Variants in LRRC4C observed in about 807,000 individuals in gnomAD.
The protein encoded by LRRC4C is leucine rich repeat containing 4C.
In LRRC4C, 5 loss-of-function variants were observed where a neutral mutation model predicts 33.6. That is an observed-to-expected ratio of 0.15 (90% CI 0.08 to 0.31). LRRC4C has a LOEUF of 0.31. Among genes scored for constraint, LRRC4C ranks in the 10% least tolerant of loss-of-function variants. The probability of loss-of-function intolerance (pLI) is 1.00; values close to 1 mark genes in which losing one functional copy is unlikely to be tolerated. For missense variants in LRRC4C, 560 were observed against 796.7 expected (o/e 0.70, Z 3.58); for synonymous variants, 329 against 302.0 (o/e 1.09, Z -0.93).
intron 2 of LRRC4C, among the ~76,000 whole-genome samples, chr11:40,801,495 A>G (rs1186309613): frequency 6.6e-6 from 1 of 152,026 alleles, no homozygotes. Flanking sequence ...AAAGATTTTT[A>G]CCCCCATGTG....
At position 40,198,280 on chromosome 11, in the gene LRRC4C, C is replaced by G. The variant is rs7949676; in HGVS notation, c.-96+43239G>C. Among the ~76,000 whole-genome samples the G allele has an allele frequency of 7.2e-5, 11 of 152,248 alleles. No homozygotes were observed. In the South Asian group the frequency reaches 2.3e-3, roughly 32 times the overall value. On this transcript the variant is annotated intron_variant, in intron 5 of 6. Transcript: ENST00000528697. ...TACAACTGTGTACCCACTTATGTAC[C>G]GTAAAATAGTGAAGTCTGATTCTAA... is the stretch of plus-strand genomic sequence containing the variant.
intron 1 of LRRC4C, among the ~76,000 whole-genome samples, chr11:41,224,185 GA>G (rs1486533208): frequency 1.3e-5 from 2 of 152,124 alleles, no homozygotes; most frequent in Admixed American, 1.3e-4. Flanking sequence ...ACCTGCCGTG[GA>G]AAAAGCCACG....
At chr11:40,692,003 C>A (rs1018948437) in intron 2 of LRRC4C, among the ~76,000 whole-genome samples, 2 of 151,944 alleles carry the variant, frequency 1.3e-5, no homozygotes, top group African/African-American at 4.8e-5. Context: ...ATTGAAGTGA[C>A]CAGACCTTTT....
intron 1 of LRRC4C, among the ~76,000 whole-genome samples, chr11:41,308,268 C>A (rs772345588): frequency 6.6e-6 from 1 of 152,030 alleles, no homozygotes; most frequent in African/African-American, 2.4e-5. Context: ...GAGAAAAACG[C>A]ATACATTCTG....
intron 3 of LRRC4C, among the ~76,000 whole-genome samples, chr11:40,442,484 T>C (rs1444585832): frequency 1.3e-5 from 2 of 152,092 alleles, no homozygotes; most frequent in Admixed American, 6.6e-5. Context: ...AATTGAAATG[T>C]GATAAGATAA....
intron 2 of LRRC4C, among the ~76,000 whole-genome samples, chr11:40,796,790 G>T (rs1950850329): frequency 6.6e-6 from 1 of 151,930 alleles, no homozygotes. Flanking sequence ...GGGATTACAG[G>T]CATGCACCAC....
chr11:41,128,266 C>CAAAA (rs10648242), intron 1 of LRRC4C, among the ~76,000 whole-genome samples: 1 of 146,082 alleles, frequency 6.8e-6, no homozygotes, highest in Non-Finnish European at 1.5e-5. Flanking sequence ...GTCATACCTC[C>CAAAA]AAAAAAAAAA....
intron 1 of LRRC4C, among the ~76,000 whole-genome samples, chr11:41,342,900 C>T (rs1472443336): frequency 1.3e-5 from 2 of 152,164 alleles, no homozygotes; most frequent in Non-Finnish European, 2.9e-5. Context: ...AATCAAAGTG[C>T]TGGGAGGATT....
intron 5 of LRRC4C, among the ~76,000 whole-genome samples, chr11:40,236,576 A>T (rs1865574113): frequency 6.6e-6 from 1 of 152,186 alleles, no homozygotes; most frequent in South Asian, 2.1e-4. Flanking sequence ...CAAAAGGATT[A>T]TGAACAGAAT....
intron 3 of LRRC4C, among the ~76,000 whole-genome samples, chr11:40,343,032 A>AT (rs201805969): frequency 0.024 from 3,613 of 151,536 alleles, 131 homozygotes; most frequent in African/African-American, 0.082. Flanking sequence ...TTATATATAT[A>AT]TTTTTTGCCT....
At chr11:40,504,092 T>C (rs576836230) in intron 3 of LRRC4C, among the ~76,000 whole-genome samples, 26 of 152,286 alleles carry the variant, frequency 1.7e-4, no homozygotes, top group Admixed American at 1.7e-3. Context: ...CAAGCACTTA[T>C]TATTTTCACC....
At chr11:40,586,992 T>A (rs1257642017) in intron 3 of LRRC4C, among the ~76,000 whole-genome samples, 1 of 151,992 alleles carries the variant, frequency 6.6e-6, no homozygotes, top group Non-Finnish European at 1.5e-5. Flanking sequence ...TTTAAAGTAG[T>A]TTTTTCCAAT....
intron 2 of LRRC4C, among the ~76,000 whole-genome samples, chr11:40,930,240 G>A (rs1338599894): frequency 6.6e-6 from 1 of 152,140 alleles, no homozygotes; most frequent in African/African-American, 2.4e-5. Flanking sequence ...GAGGAATCCA[G>A]CCAGTCTGAG....
intron 2 of LRRC4C, among the ~76,000 whole-genome samples, chr11:40,787,761 G>C (rs11036078): frequency 0.082 from 12,525 of 152,274 alleles, 679 homozygotes; most frequent in African/African-American, 0.16. Context: ...CCCGGCAACA[G>C]GGATTGGAGC....
intron 2 of LRRC4C, among the ~76,000 whole-genome samples, chr11:40,753,708 A>G (rs1300066682): frequency 6.6e-6 from 1 of 152,060 alleles, no homozygotes; most frequent in East Asian, 1.9e-4. Context: ...CCTATTGGGT[A>G]TTCTAAAGTG....
intron 5 of LRRC4C, among the ~76,000 whole-genome samples, chr11:40,155,633 C>T (rs944931080): frequency 3.9e-5 from 6 of 152,016 alleles, no homozygotes; most frequent in African/African-American, 1.4e-4. Flanking sequence ...TGGAAAAAGA[C>T]AACCCTCCTA....
chr11:41,341,370 C>A (rs988001716), intron 1 of LRRC4C, among the ~76,000 whole-genome samples: 12 of 152,092 alleles, frequency 7.9e-5, no homozygotes, highest in African/African-American at 2.4e-5. Context: ...ATTCTCTGGG[C>A]GAGGTTCTGC....
At chr11:40,652,369 G>T (rs529895105) in intron 2 of LRRC4C, among the ~76,000 whole-genome samples, 2 of 152,262 alleles carry the variant, frequency 1.3e-5, no homozygotes, top group African/African-American at 4.8e-5. Context: ...CTTGCTCTGT[G>T]AACTCTTGCT....
At chr11:40,334,779 T>A (rs1239591136) in intron 3 of LRRC4C, among the ~76,000 whole-genome samples, 1 of 152,182 alleles carries the variant, frequency 6.6e-6, no homozygotes, top group Non-Finnish European at 1.5e-5. Flanking sequence ...TTACTTTATT[T>A]CTTTTTTCTC....
Sources: allele counts gnomAD v4.1 joint callset (sites outside exome capture counted in the v4.1 genomes callset), GRCh38; gene constraint gnomAD v4.1.1; transcripts MANE v1.5; gene names NCBI Gene and HGNC (gene_info 2026-07-23, HGNC 2026-07-21).